Variants in LMBR1 observed in about 807,000 individuals in gnomAD.
The protein encoded by LMBR1 is limb development membrane protein 1.
In LMBR1, 52 loss-of-function variants were observed where a neutral mutation model predicts 73.9. The observed-to-expected ratio is 0.70, with a 90% CI of 0.56 to 0.89. The LOEUF is 0.89. Among genes scored for constraint, LMBR1 ranks in the 40% least tolerant of loss-of-function variants. The pLI is 0.00. For synonymous variants in LMBR1, 215 were observed against 209.4 expected (o/e 1.03, Z -0.23); for missense variants, 539 against 579.8 (o/e 0.93, Z 0.72).
chr7:156,755,964 T>C (rs1016563860), intron 9 of LMBR1, among the ~76,000 whole-genome samples: 1 of 152,334 alleles, frequency 6.6e-6, no homozygotes, highest in South Asian at 2.1e-4. Context: ...TCTGATCTTG[T>C]TGGCGGGAGA....
At chr7:156,875,512 T>G (rs537075273) in intron 1 of LMBR1, among the ~76,000 whole-genome samples, 1 of 152,296 alleles carries the variant, frequency 6.6e-6, no homozygotes, top group South Asian at 2.1e-4. Flanking sequence ...CTAGGCACAT[T>G]GTCATCAACT....
chr7:156,831,276 T>TTTTTTG, intron 3 of LMBR1, among the ~76,000 whole-genome samples: 1 of 18,458 alleles, frequency 5.4e-5, no homozygotes, highest in African/African-American at 2.8e-4. Context: ...CTACCCTAGA[T>TTTTTTG]TTTTTTTTTT....
chr7:156,870,016 G>A (rs530839841), intron 1 of LMBR1, among the ~76,000 whole-genome samples: 2 of 152,174 alleles, frequency 1.3e-5, no homozygotes, highest in Non-Finnish European at 2.9e-5. Context: ...AGGGAGATAT[G>A]ACAATTATAA....
At chr7:156,845,825 T>C (rs1454289959) in intron 1 of LMBR1, among the ~76,000 whole-genome samples, 1 of 151,928 alleles carries the variant, frequency 6.6e-6, no homozygotes, top group Non-Finnish European at 1.5e-5. Flanking sequence ...AATTTATTCT[T>C]CTCTCAGACA....
rs191487793 is a variant in LMBR1 at position 156,744,162 on chromosome 7, C to T, written c.758-9905G>A. ...GGCTCGAGCGTATACTCCCACCTCC[C>T]GAGTAGCTGGGACTACAGGTGCGTG... On this transcript the variant is annotated intron_variant, in intron 9 of 16. Transcript: ENST00000353442. Among the ~76,000 whole-genome samples, 10 of 152,228 alleles carry T rather than the reference C, an allele frequency of 6.6e-5. No individual in the cohort carries two copies. The East Asian group carries it at 1.5e-3, about 24-fold the overall frequency.
chr7:156,675,460 C>T (rs1311214764), downstream of LMBR1, among the ~76,000 whole-genome samples: 1 of 151,960 alleles, frequency 6.6e-6, no homozygotes, highest in South Asian at 2.1e-4. Flanking sequence ...GCCAAGGTGC[C>T]GTATTTTGGG....
chr7:156,843,304 T>C (rs1839035073), intron 1 of LMBR1, among the ~76,000 whole-genome samples: 2 of 152,084 alleles, frequency 1.3e-5, no homozygotes, highest in African/African-American at 4.8e-5. Flanking sequence ...AGCACTGGTT[T>C]AGGGTATTAG....
intron 15 of LMBR1, among the ~76,000 whole-genome samples, chr7:156,700,403 G>A (rs201806590): frequency 1.4e-5 from 1 of 71,954 alleles, no homozygotes; most frequent in Non-Finnish European, 2.5e-5. Flanking sequence ...GGGGTGGGAG[G>A]AGGGGGGGAG....
intron 4 of LMBR1, among the ~76,000 whole-genome samples, chr7:156,803,981 C>G: frequency 9.8e-6 from 1 of 102,182 alleles, no homozygotes; most frequent in Non-Finnish European, 1.8e-5. Flanking sequence ...TATCACACAC[C>G]GGGGACTGTT....
chr7:156,716,090 G>A (rs924028660), intron 15 of LMBR1, among the ~76,000 whole-genome samples: 2 of 152,124 alleles, frequency 1.3e-5, no homozygotes, highest in African/African-American at 4.8e-5. Flanking sequence ...ATAAAAAGAT[G>A]CAGAAAACAA....
chr7:156,676,337 C>T (rs559676796), downstream of LMBR1: 31 of 1,613,278 alleles, frequency 1.9e-5, no homozygotes, highest in South Asian at 3.1e-4. Flanking sequence ...TCTCGGGGCA[C>T]ATGGTTCGCA....
At chr7:156,860,210 C>T (rs1167323398) in intron 1 of LMBR1, among the ~76,000 whole-genome samples, 3 of 152,306 alleles carry the variant, frequency 2.0e-5, no homozygotes, top group African/African-American at 4.8e-5. Context: ...GTTTAATGAA[C>T]TTACACTTCC....
rs569172647 is a variant in LMBR1, at chr7:156,726,009, C to A, written c.994-172G>T. The stretch of plus-strand genomic sequence containing the variant: ...CATGACATTAGACTGATTTCATCAA[C>A]AAATTCAGGCACCATGTTAACAATT... On this transcript the variant is annotated intron_variant, in intron 12 of 16. Coordinates refer to ENST00000353442, the MANE Select transcript of LMBR1 (RefSeq NM_022458.4). 60 of 456,210 alleles carry A rather than the reference C, an allele frequency of 1.3e-4. 1 individual carries two copies. In the South Asian group the frequency reaches 3.6e-3, roughly 28 times the overall value. The allele number at this position is 456,210 out of a possible 1,614,324, so 28.3% of individuals were successfully genotyped here.
intron 1 of LMBR1, among the ~76,000 whole-genome samples, chr7:156,879,169 T>C (rs1800663656): frequency 6.6e-6 from 1 of 151,978 alleles, no homozygotes; most frequent in African/African-American, 2.4e-5. Context: ...CAAAAGCAAA[T>C]GCAAGAAAAA....
intron 5 of LMBR1, chr7:156,779,829 C>G (rs762355616): frequency 4.5e-6 from 2 of 442,724 alleles, no homozygotes; most frequent in Non-Finnish European, 8.2e-6. Flanking sequence ...AAATAAATAT[C>G]AAGCTATTGT....
chr7:156,671,708 A>C (rs1802584353), intron 4 of LMBR1, among the ~76,000 whole-genome samples: 2 of 152,148 alleles, frequency 1.3e-5, no homozygotes, highest in African/African-American at 4.8e-5. Context: ...CCCAACAGTT[A>C]GTTTTTCAGC....
chr7:156,676,989 A>T (rs1804181373), downstream of LMBR1: 1 of 227,340 alleles, frequency 4.4e-6, no homozygotes, highest in Admixed American at 5.0e-5. Flanking sequence ...AATGTAAAAC[A>T]CTCCTTAAGT....
chr7:156,892,918 C>T lies in LMBR1; in HGVS notation c.66+10G>A. ...GCGGGACTGTCAGGGCTGCCTCGGT[C>T]CCCACGCACCGTGGACTCCCGCACT... is the stretch of plus-strand genomic sequence containing the variant. On this transcript the variant is annotated intron_variant, in intron 1 of 16. Transcript: ENST00000353442. 6.6e-7 allele frequency: 1 copy of T among 1,511,390 alleles called. No individual in the cohort carries two copies. Among genetic ancestry groups the T allele is most frequent in the East Asian group, 2.8e-5 (1 of 35,282 alleles). The allele number at this position is 1,511,390 out of a possible 1,614,324, so 93.6% of individuals were successfully genotyped here. A position where few individuals can be genotyped will look rare whatever the true frequency, so the allele number is the denominator to read the frequency against.
At chr7:156,694,038 A>G (rs1464644489) in intron 15 of LMBR1, among the ~76,000 whole-genome samples, 1 of 152,254 alleles carries the variant, frequency 6.6e-6, no homozygotes. Flanking sequence ...AGCAGAATGA[A>G]AGACAAAACC....
Sources: gnomAD v4.1 joint callset for allele counts (sites outside exome capture counted in the v4.1 genomes callset) on GRCh38, gnomAD v4.1.1 for gene constraint, MANE v1.5 for transcripts, NCBI Gene and HGNC (gene_info 2026-07-23, HGNC 2026-07-21) for gene names.